Variants in MTMR10 observed in about 807,000 individuals in gnomAD.
MTMR10 encodes myotubularin-related protein 10.
A neutral mutation model predicts 88.1 loss-of-function variants in MTMR10; 56 were observed. That is an observed-to-expected ratio of 0.64 (90% CI 0.51 to 0.79). The LOEUF is 0.79. MTMR10 is among the 30% of genes least tolerant of loss of function. MTMR10 has a pLI of 0.00. For synonymous variants in MTMR10, 380 were observed against 340.9 expected (o/e 1.11, Z -1.26); for missense variants, 883 against 924.7 (o/e 0.95, Z 0.58).
the MTMR10 span, among the ~76,000 whole-genome samples, chr15:30,933,181 TTTG>T: frequency 2.0e-5 from 3 of 152,204 alleles, no homozygotes; most frequent in Non-Finnish European, 4.4e-5. Flanking sequence ...TTTGGTTTCA[TTTG>T]TTTTTTTATT....
At chr15:30,952,268 G>A (rs577729948) in intron 11 of MTMR10, among the ~76,000 whole-genome samples, 2 of 152,362 alleles carry the variant, frequency 1.3e-5, no homozygotes, top group African/African-American at 4.8e-5. Context: ...CATCACAAGA[G>A]AGGATTGACT....
rs745392185 is a variant in MTMR10, at chr15:30,991,498, G to A, written c.9C>T (p.Ser3=). 23 of 1,526,266 alleles carry A rather than the reference G, an allele frequency of 1.5e-5. No homozygotes were observed. The East Asian group carries it at 2.2e-4, about 14-fold the overall frequency. The allele number at this position is 1,526,266 out of a possible 1,614,324, so 94.5% of individuals were successfully genotyped here. ...TGAAGGTGGGTTTGGGCGGCTTGAG[G>A]GAGAACATGGTGCCGCCGCCTTTTC... MF[S]LKPPKPTFRS... Residue 3 remains serine, a synonymous_variant, in exon 1 of 16, where the codon TCC becomes TCT. Coordinates refer to ENST00000435680, the MANE Select transcript of MTMR10 (RefSeq NM_017762.3).
chr15:30,922,445 T>A, the MTMR10 span: 1 of 1,266,924 alleles, frequency 7.9e-7, no homozygotes, highest in Non-Finnish European at 1.1e-6. Context: ...AATTTACATG[T>A]AATTAGAACA....
chr15:30,943,455 T>C lies in MTMR10; in HGVS notation c.1549-383A>G. 6.1e-6 allele frequency: 6 copies of C among 985,410 alleles called. No homozygotes were observed. In the South Asian group the frequency reaches 2.8e-4, roughly 46 times the overall value. The allele number at this position is 985,410 out of a possible 1,614,324, so 61.0% of individuals were successfully genotyped here. On this transcript the variant is annotated intron_variant, in intron 14 of 15. Coordinates refer to ENST00000435680, the MANE Select transcript of MTMR10 (RefSeq NM_017762.3). ...GCACACGGTCAGTACATTTAAGTAG[T>C]TACCTGTTGGTAAGTGGATTAACAA... is the stretch of plus-strand genomic sequence containing the variant.
the MTMR10 span, among the ~76,000 whole-genome samples, chr15:30,919,709 A>G: frequency 2.4e-4 from 36 of 150,658 alleles, no homozygotes; most frequent in Non-Finnish European, 1.2e-4. Context: ...AAAAAAAAAA[A>G]GAAAATCATA....
chr15:30,965,375 C>CA (rs1314025537), intron 6 of MTMR10, among the ~76,000 whole-genome samples: 1 of 152,208 alleles, frequency 6.6e-6, no homozygotes, highest in Non-Finnish European at 1.5e-5. Flanking sequence ...TACATCACAG[C>CA]ATCTGTAAGC....
At chr15:30,962,386 G>A (rs2063413987) in intron 6 of MTMR10, among the ~76,000 whole-genome samples, 1 of 152,160 alleles carries the variant, frequency 6.6e-6, no homozygotes, top group South Asian at 2.1e-4. Flanking sequence ...ATCCCCAATG[G>A]AATATTCTGC....
chr15:30,922,131 A>AT, the MTMR10 span: 1 of 1,385,340 alleles, frequency 7.2e-7, no homozygotes, highest in Non-Finnish European at 9.9e-7. Flanking sequence ...GAATGGAAAG[A>AT]TACGCATTAT....
In MTMR10 at chr15:30,987,078, G is replaced by C. The variant is rs192865216; in HGVS notation, c.121+3699C>G. 4.6e-3 allele frequency among the ~76,000 whole-genome samples: 707 copies of C among 152,322 alleles called. 4 individuals carry two copies. The highest frequency in any genetic ancestry group is 0.017 in the African/African-American group (686 of 41,572). On this transcript the variant is annotated intron_variant, in intron 2 of 15. Coordinates refer to ENST00000435680, the MANE Select transcript of MTMR10 (RefSeq NM_017762.3). Reference sequence around the variant, plus strand: ...TGAAAGAATGAAATTCACATAATGAGAGGAAGATAAAGAGAAAGCCTACAC... The same window carrying C: ...TGAAAGAATGAAATTCACATAATGACAGGAAGATAAAGAGAAAGCCTACAC...
chr15:30,984,987 C>G (rs899338034), intron 2 of MTMR10, among the ~76,000 whole-genome samples: 1 of 152,226 alleles, frequency 6.6e-6, no homozygotes, highest in African/African-American at 2.4e-5. Context: ...TGTCTAAGAA[C>G]AGGATCCCAT....
chr15:30,929,181 G>C, the MTMR10 span: 2 of 1,606,596 alleles, frequency 1.2e-6, no homozygotes, highest in East Asian at 4.5e-5. Context: ...CAGTATGACA[G>C]CTTGCTTTCC....
At chr15:30,959,256 C>A in intron 7 of MTMR10, 135 bp from the exon 8 acceptor site, 1 of 733,632 alleles carries the variant, frequency 1.4e-6, no homozygotes, top group South Asian at 1.9e-5. Context: ...TGGTGGGCAC[C>A]ATGGGGGGGC....
chr15:30,977,076 G>C (rs1377175651), intron 2 of MTMR10, 121 bp from the exon 3 acceptor site: 11 of 896,052 alleles, frequency 1.2e-5, no homozygotes, highest in Non-Finnish European at 1.4e-5. Flanking sequence ...TTCACCAATT[G>C]CCCACCAGGT....
chr15:30,922,784 C>G, the MTMR10 span, among the ~76,000 whole-genome samples: 4 of 152,228 alleles, frequency 2.6e-5, no homozygotes, highest in African/African-American at 7.2e-5. Context: ...CTTTCCCTAT[C>G]TTATTGCAGG....
chr15:30,935,827 A>G (rs2062836972), downstream of MTMR10, among the ~76,000 whole-genome samples: 1 of 152,182 alleles, frequency 6.6e-6, no homozygotes, highest in African/African-American at 2.4e-5. Flanking sequence ...ATGGTTTCCA[A>G]TCAGAGAATC....
intron 6 of MTMR10, among the ~76,000 whole-genome samples, chr15:30,964,981 G>A (rs980148419): frequency 1.3e-5 from 2 of 152,178 alleles, no homozygotes; most frequent in African/African-American, 2.4e-5. Context: ...GAAATTAGAA[G>A]TCACAAAGGA....
In MTMR10 at chr15:30,941,216, C is replaced by G; in HGVS notation, c.*254G>C. ...TGGATGGAGACAAAAATGTAGCAGA[C>G]AACATGAACAGTTTGATCACGGTTA... On this transcript the variant is annotated 3_prime_UTR_variant, in exon 16 of 16. Coordinates refer to ENST00000435680, the MANE Select transcript of MTMR10 (RefSeq NM_017762.3). 7.2e-7 allele frequency: 1 copy of G among 1,389,890 alleles called. No individual in the cohort carries two copies. The highest frequency in any genetic ancestry group is 1.4e-5 in the African/African-American group (1 of 69,620). 86.1% of individuals were successfully genotyped at this position (1,389,890 alleles called of 1,614,324 possible).
At chr15:30,953,406 G>A (rs149781350) in intron 11 of MTMR10, among the ~76,000 whole-genome samples, 156 bp downstream of exon 11, 16 of 152,284 alleles carry the variant, frequency 1.1e-4, no homozygotes, top group Non-Finnish European at 1.9e-4. Context: ...CAGCTTCCTG[G>A]TTTGGATGCT....
In MTMR10 at chr15:30,955,021, CTTTTTT is replaced by C. The variant is rs374377748; in HGVS notation, c.936-134_936-129del. Reference sequence around the variant, plus strand: ...AAGGTCTCTGCCTTCATGGAGTTTACTTTTTTTTTTTTAAGACAGAACCATTGCTTA... The same window carrying C: ...AAGGTCTCTGCCTTCATGGAGTTTACTTTTTTAAGACAGAACCATTGCTTA... On this transcript the variant is annotated intron_variant, in intron 9 of 15. Transcript: ENST00000435680. The C allele has an allele frequency of 9.7e-6, 5 of 513,236 alleles. No homozygotes were observed. The African/African-American group carries it at 1.1e-4, about 11-fold the overall frequency. 31.8% of individuals were successfully genotyped at this position (513,236 alleles called of 1,614,324 possible). A position where few individuals can be genotyped will look rare whatever the true frequency, so the allele number is the denominator to read the frequency against.
Sources: gnomAD v4.1 joint callset for allele counts (sites outside exome capture counted in the v4.1 genomes callset) on GRCh38, gnomAD v4.1.1 for gene constraint, MANE v1.5 for transcripts, NCBI Gene and HGNC (gene_info 2026-07-23, HGNC 2026-07-21) for gene names.